The following CYRIA variants were observed in gnomAD, a reference collection of about 807,000 sequenced individuals.
CYRIA encodes CYFIP-related Rac1 interactor A.
CYRIA carries 15 observed loss-of-function variants against 43.9 expected under a neutral mutation model. The ratio of observed to expected loss-of-function variants is 0.34; its 90% CI spans 0.23 to 0.53. The LOEUF (loss-of-function observed/expected upper bound fraction) is 0.53. Ranked by LOEUF, CYRIA falls within the 20% of genes least tolerant of loss-of-function variation. CYRIA has a pLI of 0.94. For missense variants in CYRIA, 236 were observed against 394.2 expected, an observed-to-expected ratio of 0.60 and a Z score of 3.40; for synonymous variants, 117 against 136.0, an observed-to-expected ratio of 0.86 and a Z score of 0.97.
chr2:16,588,002 T>C, intron 3 of CYRIA, 48 bp downstream of exon 3: 1 of 1,176,140 alleles, frequency 8.5e-7, no homozygotes, highest in Non-Finnish European at 1.3e-6. Context: ...ATCAACAATC[T>C]ATAAGGAATG....
intron 1 of CYRIA, among the ~76,000 whole-genome samples, chr2:16,635,648 T>C (rs1047963314): frequency 6.6e-5 from 10 of 152,020 alleles, no homozygotes; most frequent in African/African-American, 2.4e-4. Flanking sequence ...TCTGGGAGGG[T>C]AGTGAAAAGA....
chr2:16,660,990 C>T (rs1337710234), intron 1 of CYRIA, among the ~76,000 whole-genome samples: 3 of 152,194 alleles, frequency 2.0e-5, no homozygotes, highest in Admixed American at 6.5e-5. Context: ...TTTTCAATAC[C>T]TCCAGCTTCC....
intron 3 of CYRIA, among the ~76,000 whole-genome samples, chr2:16,581,856 A>G (rs1050118422): frequency 1.3e-5 from 2 of 152,244 alleles, no homozygotes; most frequent in African/African-American, 4.8e-5. Flanking sequence ...AGAGTATTCA[A>G]TAACAAAAAG....
rs534606220 is a variant in CYRIA at position 16,567,016 on chromosome 2, C to G, written c.71-1249G>C. ...AGGCCGAGTTTACACCTGGTCTAAC[C>G]CTCACCAGATCAAATCTCAGTTTTA... On this transcript the variant is annotated intron_variant, in intron 3 of 11. Coordinates refer to ENST00000381323, the MANE Select transcript of CYRIA (RefSeq NM_030797.4). Among the ~76,000 whole-genome samples the G allele has an allele frequency of 3.9e-5, 6 of 152,230 alleles. No individual in the cohort carries two copies. The East Asian group carries it at 1.2e-3, about 29-fold the overall frequency.
intron 1 of CYRIA, among the ~76,000 whole-genome samples, chr2:16,659,785 C>A (rs1670200171): frequency 6.6e-6 from 1 of 152,210 alleles, no homozygotes; most frequent in African/African-American, 2.4e-5. Context: ...ACTCAGGAAT[C>A]ATCAAACCAA....
chr2:16,605,871 G>A (rs963232091), intron 2 of CYRIA, among the ~76,000 whole-genome samples: 9 of 152,084 alleles, frequency 5.9e-5, no homozygotes, highest in African/African-American at 1.9e-4. Context: ...CATGGGCACC[G>A]CTGAGCAACT....
chr2:16,554,937 G>A (rs1447477237), intron 11 of CYRIA, 132 bp downstream of exon 11: 13 of 582,942 alleles, frequency 2.2e-5, no homozygotes, highest in Non-Finnish European at 3.5e-5. Context: ...GACCTCAAAA[G>A]ATTGTTAGGA....
intron 4 of CYRIA, among the ~76,000 whole-genome samples, chr2:16,565,140 A>C (rs58325582): frequency 0.034 from 5,149 of 151,696 alleles, 264 homozygotes; most frequent in African/African-American, 0.1. Context: ...GTGTGCTCAG[A>C]TTAATGCACT....
At chr2:16,661,559 T>C (rs948021499) in intron 1 of CYRIA, among the ~76,000 whole-genome samples, 14 of 152,224 alleles carry the variant, frequency 9.2e-5, no homozygotes, top group African/African-American at 2.2e-4. Flanking sequence ...TCATCACTTA[T>C]AGAAATAACA....
At chr2:16,620,957 C>A (rs1422632117) in intron 2 of CYRIA, among the ~76,000 whole-genome samples, 1 of 152,202 alleles carries the variant, frequency 6.6e-6, no homozygotes. Context: ...AAGAAGCTTC[C>A]ATGGTTCCAC....
intron 4 of CYRIA, among the ~76,000 whole-genome samples, 166 bp from the exon 5 acceptor site, chr2:16,564,260 T>C (rs565994393): frequency 5.3e-5 from 8 of 152,192 alleles, no homozygotes; most frequent in Non-Finnish European, 1.2e-4. Context: ...TCAATATGAA[T>C]GGAAATTTTA....
intron 1 of CYRIA, among the ~76,000 whole-genome samples, chr2:16,626,005 C>A (rs1028843273): frequency 6.6e-6 from 1 of 152,088 alleles, no homozygotes; most frequent in Non-Finnish European, 1.5e-5. Flanking sequence ...TTCTAAGACA[C>A]CTCCTGCTTG....
chr2:16,656,799 C>T lies in CYRIA; in HGVS notation c.-167+8981G>A, dbSNP rs182770368. 8.4e-3 allele frequency among the ~76,000 whole-genome samples: 1,285 copies of T among 152,340 alleles called. 23 individuals are homozygous for T. Among genetic ancestry groups the T allele is most frequent in the African/African-American group, 0.029 (1,211 of 41,574 alleles). ...ATGGCCGTTGCCATTAGGGCCACTG[C>T]CAATGGCCATGCTTGGTCAAGCAGC... On this transcript the variant is annotated intron_variant, in intron 1 of 11. Coordinates refer to ENST00000381323, the MANE Select transcript of CYRIA (RefSeq NM_030797.4).
intron 10 of CYRIA, among the ~76,000 whole-genome samples, chr2:16,557,494 C>G (rs1666567691): frequency 6.6e-6 from 1 of 152,052 alleles, no homozygotes; most frequent in Admixed American, 6.6e-5. Flanking sequence ...GTGACTATAA[C>G]TGCTGGCTTA....
chr2:16,664,544 A>G (rs1008399943), intron 1 of CYRIA, among the ~76,000 whole-genome samples: 4 of 152,096 alleles, frequency 2.6e-5, no homozygotes, highest in Admixed American at 1.3e-4. Flanking sequence ...AACCCCAACC[A>G]GAGATCAGTG....
At chr2:16,648,856 A>G (rs1669891184) in intron 1 of CYRIA, among the ~76,000 whole-genome samples, 1 of 152,220 alleles carries the variant, frequency 6.6e-6, no homozygotes, top group Non-Finnish European at 1.5e-5. Context: ...GATATTTCCC[A>G]ATAAATATTG....
intron 2 of CYRIA, 126 bp from the exon 3 acceptor site, chr2:16,588,255 T>A (rs1487697311): frequency 1.8e-6 from 1 of 563,268 alleles, no homozygotes; most frequent in African/African-American, 1.9e-5. Context: ...ACCCAGGGGT[T>A]GAGCAATAAT....
chr2:16,587,828 A>T (rs1453709198), intron 3 of CYRIA, among the ~76,000 whole-genome samples: 1 of 151,978 alleles, frequency 6.6e-6, no homozygotes, highest in East Asian at 1.9e-4. Flanking sequence ...TTCCACTATG[A>T]TTGTGAGGCC....
intron 1 of CYRIA, among the ~76,000 whole-genome samples, chr2:16,661,733 G>A (rs1234591843): frequency 2.0e-5 from 3 of 152,066 alleles, no homozygotes; most frequent in South Asian, 2.1e-4. Flanking sequence ...TCACTGACAC[G>A]CCAGCCAAGG....
Sources: allele counts gnomAD v4.1 joint callset (sites outside exome capture counted in the v4.1 genomes callset), GRCh38; gene constraint gnomAD v4.1.1; transcripts MANE v1.5; gene names NCBI Gene and HGNC (gene_info 2026-07-23, HGNC 2026-07-21).